Variants in COL27A1 observed in about 807,000 individuals in gnomAD.
The protein encoded by COL27A1 is collagen alpha-1(XXVII) chain.
COL27A1 carries 106 observed loss-of-function variants against 251.3 expected under a neutral mutation model. The ratio of observed to expected loss-of-function variants is 0.42; its 90% CI spans 0.36 to 0.50. The LOEUF is 0.50. Among genes scored for constraint, COL27A1 ranks in the 20% least tolerant of loss-of-function variants. The pLI is 0.00. For missense variants in COL27A1, 2,325 were observed against 2,522.8 expected (o/e 0.92, Z 1.68); for synonymous variants, 1,000 against 986.3 (o/e 1.01, Z -0.26).
In COL27A1 at chr9:114,194,289, A is replaced by G; in HGVS notation, c.2017-115A>G. On this transcript the variant is annotated intron_variant, in intron 5 of 60. Transcript: ENST00000356083. ...GACCCTCTGGAGGTGTGTGAGTGGG[A>G]GGATGGATGGGAAGGCATTTAAGCA... is the stretch of plus-strand genomic sequence containing the variant. 3 of 945,680 alleles carry G rather than the reference A, an allele frequency of 3.2e-6. No individual in the cohort carries two copies. The South Asian group carries it at 4.0e-5, about 12-fold the overall frequency. The allele number at this position is 945,680 out of a possible 1,614,324, so 58.6% of individuals were successfully genotyped here. A position where few individuals can be genotyped will look rare whatever the true frequency, so the allele number is the denominator to read the frequency against.
At chr9:114,277,784 G>T (rs72762662) in intron 37 of COL27A1, among the ~76,000 whole-genome samples, 31,420 of 152,172 alleles carry the variant, frequency 0.21, 3,790 homozygotes, top group East Asian at 0.31. Flanking sequence ...CCCGCCCCCT[G>T]CCCTCTCTGG....
chr9:114,198,234 C>T lies in COL27A1; in HGVS notation c.2124+2222C>T, dbSNP rs554983387. Among the ~76,000 whole-genome samples the T allele has an allele frequency of 2.2e-4, 33 of 152,314 alleles. 1 individual carries two copies. The South Asian group carries it at 6.8e-3, about 32-fold the overall frequency. On this transcript the variant is annotated intron_variant, in intron 7 of 60. Transcript: ENST00000356083. Reference sequence around the variant, plus strand: ...TTATTGAATGCCTATAATGTGCCAGCCACTGAGCTGAATGGACAAAAATCC... The same window carrying T: ...TTATTGAATGCCTATAATGTGCCAGTCACTGAGCTGAATGGACAAAAATCC...
chr9:114,201,219 C>T (rs572706446), intron 7 of COL27A1, among the ~76,000 whole-genome samples: 29 of 152,332 alleles, frequency 1.9e-4, no homozygotes, highest in African/African-American at 4.6e-4. Flanking sequence ...TGGAGCTCCC[C>T]GAAACATTCC....
intron 32 of COL27A1, among the ~76,000 whole-genome samples, chr9:114,266,322 A>C (rs1373064742): frequency 6.6e-6 from 1 of 152,060 alleles, no homozygotes; most frequent in Non-Finnish European, 1.5e-5. Flanking sequence ...CTGATCAGGG[A>C]GGGCCCCCTG....
intron 45 of COL27A1, among the ~76,000 whole-genome samples, 167 bp from the exon 46 acceptor site, chr9:114,289,891 C>G (rs1827787170): frequency 6.6e-6 from 1 of 152,180 alleles, no homozygotes; most frequent in African/African-American, 2.4e-5. Context: ...CCAGGAGGTT[C>G]CAAGGCCAGC....
At chr9:114,243,924 C>CTTTTTTTTT (rs1564515708) in intron 23 of COL27A1, among the ~76,000 whole-genome samples, 1 of 138,082 alleles carries the variant, frequency 7.2e-6, no homozygotes, top group African/African-American at 2.8e-5. Context: ...TTTTTTCTTT[C>CTTTTTTTTT]ATTTTTTTTT....
chr9:114,162,648 C>A (rs1251210828), intron 1 of COL27A1, 67 bp from the exon 2 acceptor site: 9 of 1,238,008 alleles, frequency 7.3e-6, no homozygotes, highest in Non-Finnish European at 1.1e-5. Flanking sequence ...TCCCAGCTTC[C>A]CCAGCCGGAT....
At chr9:114,160,547 G>T (rs977922077) in intron 1 of COL27A1, among the ~76,000 whole-genome samples, 1 of 151,954 alleles carries the variant, frequency 6.6e-6, no homozygotes, top group Middle Eastern at 3.2e-3. Flanking sequence ...GCCAGGGGCT[G>T]GAAATATAAG....
intron 27 of COL27A1, among the ~76,000 whole-genome samples, chr9:114,254,205 G>A (rs1244544955): frequency 1.3e-5 from 2 of 152,150 alleles, no homozygotes; most frequent in Non-Finnish European, 2.9e-5. Context: ...GACAAACAGG[G>A]CTGAGGGTCC....
intron 49 of COL27A1, among the ~76,000 whole-genome samples, chr9:114,299,763 G>C (rs1404224547): frequency 6.6e-6 from 1 of 152,228 alleles, no homozygotes; most frequent in East Asian, 1.9e-4. Flanking sequence ...GGAGGCTGCA[G>C]GCCCTTTTAT....
At chr9:114,231,376 GGT>G (rs1458588834) in intron 15 of COL27A1, among the ~76,000 whole-genome samples, 1 of 152,178 alleles carries the variant, frequency 6.6e-6, no homozygotes, top group Admixed American at 6.5e-5. Flanking sequence ...AGTCTGACAG[GGT>G]TCCAGGCCTC....
At chr9:114,191,269 T>G (rs1828729334) in intron 5 of COL27A1, among the ~76,000 whole-genome samples, 1 of 152,210 alleles carries the variant, frequency 6.6e-6, no homozygotes, top group Non-Finnish European at 1.5e-5. Flanking sequence ...TTTTTAATTT[T>G]TATTTTAAGT....
Position 114,251,324 on chromosome 9 carries a change from C to A in COL27A1, c.3033+656C>A, listed in dbSNP as rs1048127752. On this transcript the variant is annotated intron_variant, in intron 25 of 60. Coordinates refer to ENST00000356083, the MANE Select transcript of COL27A1 (RefSeq NM_032888.4). ...GTCCAGAGGGAGGAAGTATCCCCCGCAAGTCTGGCCCCGCCTAACTCTCCA... is the reference window on the plus strand; with the variant it reads ...GTCCAGAGGGAGGAAGTATCCCCCGAAAGTCTGGCCCCGCCTAACTCTCCA... Among the ~76,000 whole-genome samples the A allele has an allele frequency of 3.9e-5, 6 of 152,114 alleles. No homozygotes were observed. In the South Asian group the frequency reaches 1.3e-3, roughly 32 times the overall value.
chr9:114,224,822 T>C (rs1831360391), intron 14 of COL27A1, among the ~76,000 whole-genome samples: 1 of 151,830 alleles, frequency 6.6e-6, no homozygotes, highest in Admixed American at 6.6e-5. Flanking sequence ...CCAGCTAATT[T>C]TAGTATTTTC....
chr9:114,259,026 A>T (rs1293820766), intron 28 of COL27A1, among the ~76,000 whole-genome samples: 4 of 152,230 alleles, frequency 2.6e-5, no homozygotes, highest in Non-Finnish European at 5.9e-5. Context: ...GGTCATCAGC[A>T]CATGGACTGA....
chr9:114,305,011 G>A (rs1422327189), intron 57 of COL27A1, among the ~76,000 whole-genome samples: 2 of 152,234 alleles, frequency 1.3e-5, no homozygotes, highest in African/African-American at 4.8e-5. Context: ...GCTTCCCAGT[G>A]CTCATCCCCA....
chr9:114,288,857 T>C, intron 43 of COL27A1, 57 bp from the exon 44 acceptor site: 1 of 1,609,390 alleles, frequency 6.2e-7, no homozygotes. Flanking sequence ...GCTTCTGTGC[T>C]GCCTCCCAGC....
chr9:114,169,485 A>G lies in COL27A1; in HGVS notation c.1908+22A>G, dbSNP rs778823329. 4.7e-6 allele frequency: 7 copies of G among 1,498,606 alleles called. No individual in the cohort carries two copies. The South Asian group carries it at 7.9e-5, about 17-fold the overall frequency. The allele number at this position is 1,498,606 out of a possible 1,614,324, so 92.8% of individuals were successfully genotyped here. ...GCCGGTAAGACTGAGTGGGGTCTGC[A>G]TGCTGCTTGGAGCTCCAGTGGGGGA... On this transcript the variant is annotated intron_variant, in intron 3 of 60. Transcript: ENST00000356083.
Position 114,167,880 on chromosome 9 carries a change from G to T in COL27A1, c.325G>T (p.Val109Leu), listed in dbSNP as rs755371196. The T allele has an allele frequency of 6.2e-7, 1 of 1,613,390 alleles. No homozygotes were observed. Among genetic ancestry groups the T allele is most frequent in the Non-Finnish European group, 8.5e-7 (1 of 1,179,944 alleles). Residue 109 changes from valine (V) to leucine (L), a missense_variant, in exon 3 of 61, where the codon GTG becomes TTG. Val to Leu is a conservative substitution (Grantham distance 32, BLOSUM62 1). Coordinates refer to ENST00000356083, the MANE Select transcript of COL27A1 (RefSeq NM_032888.4). ...GGTGCTGAGCCTCTGCTCCCACCGG[G>T]TGAACCATGCCTTCCTCTTCGCTGT... ...ALVLSLCSHR[V>L]NHAFLFAVRS... is the part of the protein sequence containing the mutation.
Sources: allele counts gnomAD v4.1 joint callset (sites outside exome capture counted in the v4.1 genomes callset), GRCh38; gene constraint gnomAD v4.1.1; transcripts MANE v1.5; gene names NCBI Gene and HGNC (gene_info 2026-07-23, HGNC 2026-07-21).